Variants in PCM1 observed in about 807,000 individuals in gnomAD.
The protein encoded by PCM1 is pericentriolar material 1.
Under a neutral mutation model 241.9 loss-of-function variants are expected in PCM1, and 157 were observed. The ratio of observed to expected loss-of-function variants is 0.65; its 90% confidence interval spans 0.57 to 0.74. The LOEUF is 0.74. PCM1 is among the 30% of genes least tolerant of loss of function. The pLI is 0.00. For missense variants in PCM1, 3,478 were observed against 2,360.1 expected (o/e 1.47, Z -9.81); for synonymous variants, 1,085 against 784.9 (o/e 1.38, Z -6.39).
chr8:17,957,866 T>C (rs1222388604), intron 13 of PCM1, 91 bp downstream of exon 13: 4 of 830,520 alleles, frequency 4.8e-6, no homozygotes, highest in East Asian at 5.1e-5. Flanking sequence ...GGTTTAATTA[T>C]ACTAATACAC....
chr8:18,021,245 C>G (rs962589586), intron 36 of PCM1, among the ~76,000 whole-genome samples: 22 of 152,246 alleles, frequency 1.4e-4, no homozygotes, highest in African/African-American at 4.8e-4. Flanking sequence ...ATTAAAGGCC[C>G]TGCACTCTAC....
At chr8:17,939,620 G>C in intron 5 of PCM1, 71 bp from the exon 6 acceptor site, 1 of 759,042 alleles carries the variant, frequency 1.3e-6, no homozygotes, top group Non-Finnish European at 2.0e-6. Flanking sequence ...TGTTGCTATT[G>C]AACTAATTAT....
At position 17,972,588 on chromosome 8, in the gene PCM1, G is replaced by A. The variant is rs200508806; in HGVS notation, c.3844G>A (p.Ala1282Thr). ...GACTAAAACATTCAAGACAAGAAAA[G>A]CGTCTGCACAGGCCAGCCTGGCATC... ...TVTKTFKTRK[A>T]SAQASLASKD... The change falls in exon 23 of 39, where the codon GCG becomes ACG. Residue 1282 changes from alanine to threonine, a missense_variant. By Grantham distance (58) the Ala-to-Thr change is moderately conservative (BLOSUM62 0). Transcript: ENST00000325083. The A allele has an allele frequency of 2.5e-5, 40 of 1,613,178 alleles. No individual in the cohort carries two copies. In the Middle Eastern group the frequency reaches 1.5e-3, roughly 60 times the overall value.
chr8:17,968,630 A>C (rs1779426307), intron 21 of PCM1, among the ~76,000 whole-genome samples: 1 of 147,996 alleles, frequency 6.8e-6, no homozygotes, highest in Admixed American at 6.7e-5. Flanking sequence ...GGCTTTGTGA[A>C]TATATATATA....
At chr8:17,932,996 C>A (rs1490027861) in intron 2 of PCM1, among the ~76,000 whole-genome samples, 1 of 152,084 alleles carries the variant, frequency 6.6e-6, no homozygotes, top group Non-Finnish European at 1.5e-5. Context: ...AGTAGTGACT[C>A]AAACGATTTT....
In PCM1 at chr8:17,985,609, A is replaced by G. The variant is rs2082319442; in HGVS notation, c.4271A>G (p.Tyr1424Cys). 6.2e-7 allele frequency: 1 copy of G among 1,604,992 alleles called. No individual in the cohort carries two copies. The highest frequency in any genetic ancestry group is 8.5e-7 in the Non-Finnish European group (1 of 1,174,886). The change falls in exon 25 of 39, where the codon TAT becomes TGT. Residue 1424 changes from tyrosine to cysteine, a missense_variant. Tyr to Cys is a radical substitution (Grantham distance 194, BLOSUM62 -2). Coordinates refer to ENST00000325083, the MANE Select transcript of PCM1 (RefSeq NM_006197.4). The stretch of plus-strand genomic sequence containing the variant: ...GACTACTTGAGACAGAGGGCTTTAT[A>G]TGCATTGCAGGTATCTGGTACCTAA... ...NTDYLRQRAL[Y>C]ALQDIVSRHI...
intron 13 of PCM1, among the ~76,000 whole-genome samples, chr8:17,958,706 A>G (rs571099274): frequency 6.8e-6 from 1 of 147,184 alleles, no homozygotes; most frequent in African/African-American, 2.6e-5. Context: ...TCTCGGTTCA[A>G]AAAAAGTACG....
intron 22 of PCM1, among the ~76,000 whole-genome samples, chr8:17,970,189 G>C (rs2076369333): frequency 6.6e-6 from 1 of 152,040 alleles, no homozygotes; most frequent in Non-Finnish European, 1.5e-5. Context: ...TGTCTCATAA[G>C]TTTTGAGGAT....
intron 29 of PCM1, among the ~76,000 whole-genome samples, chr8:17,998,349 C>T (rs2087785761): frequency 6.6e-6 from 1 of 152,168 alleles, no homozygotes; most frequent in African/African-American, 2.4e-5. Flanking sequence ...CTTGGGAAAG[C>T]TTTCCAGGTA....
intron 22 of PCM1, among the ~76,000 whole-genome samples, chr8:17,971,864 C>T (rs1587387738): frequency 6.6e-6 from 1 of 152,184 alleles, no homozygotes; most frequent in African/African-American, 2.4e-5. Flanking sequence ...CTGCCTCAGC[C>T]CCCTGAGTGT....
rs189589616 is a variant in PCM1 at position 17,942,761 on chromosome 8, C to T, written c.783+2900C>T. 9.3e-3 allele frequency among the ~76,000 whole-genome samples: 1,418 copies of T among 151,950 alleles called. 16 individuals are homozygous for T. Among genetic ancestry groups the T allele is most frequent in the Non-Finnish European group, 0.012 (807 of 67,958 alleles). On this transcript the variant is annotated intron_variant, in intron 6 of 38. Transcript: ENST00000325083. ...CTGTAATCCCAGCACTTTGGGAGGC[C>T]GAGGCAGGCGGATCACGAGGTCAGG...
Position 17,966,061 on chromosome 8 carries a change from A to G in PCM1, c.2918A>G (p.Gln973Arg). ...TATCGTCCTTTAGCCAAGACAAGGCAACAGAATATCAGCATGCAACGGCAA... is the reference window on the plus strand; with the variant it reads ...TATCGTCCTTTAGCCAAGACAAGGCGACAGAATATCAGCATGCAACGGCAA... Reference protein sequence around the residue: ...ENYRPLAKTRQQNISMQRQEN... With the variant: ...ENYRPLAKTRRQNISMQRQEN... The change falls in exon 19 of 39, where the codon CAA (glutamine) becomes CGA (arginine). Residue 973 changes from glutamine (Q) to arginine (R), a missense_variant. By Grantham distance (43) the Gln-to-Arg change is conservative (BLOSUM62 1). Transcript: ENST00000325083. 4.3e-6 allele frequency: 7 copies of G among 1,613,896 alleles called. No individual in the cohort carries two copies. Among genetic ancestry groups the G allele is most frequent in the Non-Finnish European group, 5.9e-6 (7 of 1,179,852 alleles).
intron 24 of PCM1, 38 bp downstream of exon 24, chr8:17,980,793 T>A (rs752701523): frequency 6.7e-7 from 1 of 1,492,130 alleles, no homozygotes; most frequent in Non-Finnish European, 9.1e-7. Context: ...ATAAGGAGGT[T>A]TTCAGCTTAG....
At chr8:17,971,860 C>T (rs2076964588) in intron 22 of PCM1, among the ~76,000 whole-genome samples, 1 of 152,316 alleles carries the variant, frequency 6.6e-6, no homozygotes, top group African/African-American at 2.4e-5. Context: ...CCTCCTGCCT[C>T]AGCCCCCTGA....
chr8:17,981,918 G>C (rs1235508966), intron 24 of PCM1, among the ~76,000 whole-genome samples: 1 of 146,420 alleles, frequency 6.8e-6, no homozygotes, highest in Non-Finnish European at 1.5e-5. Flanking sequence ...AAAAAAAAAA[G>C]ACATTAAGAT....
At position 17,986,939 on chromosome 8, in the gene PCM1, C is replaced by G. The variant is rs1434493211; in HGVS notation, c.4410+852C>G. ...TGTTAATACTAAGTTTTTTCTGAAG[C>G]CAGTGTTTTCTCAAAGGATTGTCTT... On this transcript the variant is annotated intron_variant, in intron 26 of 38. Coordinates refer to ENST00000325083, the MANE Select transcript of PCM1 (RefSeq NM_006197.4). 2.6e-5 allele frequency among the ~76,000 whole-genome samples: 4 copies of G among 151,690 alleles called. No individual in the cohort carries two copies. The East Asian group carries it at 7.7e-4, about 29-fold the overall frequency.
intron 6 of PCM1, among the ~76,000 whole-genome samples, chr8:17,941,117 G>C (rs1413142618): frequency 6.6e-6 from 1 of 152,120 alleles, no homozygotes; most frequent in Non-Finnish European, 1.5e-5. Flanking sequence ...TAGAGAGCCT[G>C]ATCCAAACAG....
chr8:18,017,624 C>T (rs990472250), intron 36 of PCM1, among the ~76,000 whole-genome samples: 5 of 152,182 alleles, frequency 3.3e-5, no homozygotes, highest in Non-Finnish European at 7.3e-5. Context: ...GAGGCCAAGG[C>T]AGGCAGATCA....
intron 24 of PCM1, among the ~76,000 whole-genome samples, chr8:17,981,853 C>G (rs936338199): frequency 6.6e-6 from 1 of 151,408 alleles, no homozygotes; most frequent in Non-Finnish European, 1.5e-5. Flanking sequence ...GAAGTCATGC[C>G]CTTAATCCAG....
Sources: allele counts gnomAD v4.1 joint callset (sites outside exome capture counted in the v4.1 genomes callset), GRCh38; gene constraint gnomAD v4.1.1; transcripts MANE v1.5; gene names NCBI Gene and HGNC (gene_info 2026-07-23, HGNC 2026-07-21).